SETD5: variants seen among roughly 807,000 people sequenced by gnomAD.
The protein encoded by SETD5 is SET domain containing 5.
SETD5 carries 44 observed loss-of-function variants against 153.3 expected under a neutral mutation model. The ratio of observed to expected loss-of-function variants is 0.29; its 90% confidence interval spans 0.23 to 0.37. SETD5 has a LOEUF of 0.37. Ranked by LOEUF, SETD5 falls within the 10% of genes least tolerant of loss-of-function variation. The probability of loss-of-function intolerance (pLI) is 1.00; values close to 1 mark genes in which losing one functional copy is unlikely to be tolerated. For synonymous variants in SETD5, 716 were observed against 645.2 expected (o/e 1.11, Z -1.66); for missense variants, 1,544 against 1,768.0 (o/e 0.87, Z 2.27).
rs74948528 is a variant in SETD5, at chr3:9,460,431, C to CTT, written c.2477-3979_2477-3978dup. ...CATCTAACACCAATCAAAATCCTAA[C>CTT]TTTTTTTTTTTTTTTTAATAGTATG... On this transcript the variant is annotated intron_variant, in intron 17 of 22. Coordinates refer to ENST00000402198, the MANE Select transcript of SETD5 (RefSeq NM_001080517.3). 1.4e-4 allele frequency among the ~76,000 whole-genome samples: 20 copies of CTT among 138,636 alleles called. No homozygotes were observed. The East Asian group carries it at 2.5e-3, about 17-fold the overall frequency. 91.0% of individuals were successfully genotyped at this position (138,636 alleles called of 152,430 possible).
At chr3:9,436,019 C>T in intron 7 of SETD5, 113 bp downstream of exon 7, 3 of 984,094 alleles carry the variant, frequency 3.0e-6, no homozygotes, top group Non-Finnish European at 4.5e-6. Context: ...TGAAGGGCCA[C>T]TTTTGTTCTA....
rs1425897181 is a variant in SETD5 at position 9,477,910 on chromosome 3, A to G, written c.*1819A>G. On this transcript the variant is annotated 3_prime_UTR_variant, in exon 23 of 23. Coordinates refer to ENST00000402198, the MANE Select transcript of SETD5 (RefSeq NM_001080517.3). ...TAACCAAGGGGAGAGGCCAGCGGGC[A>G]GGCGGCCCTCACCCTGCCTGGCACG... is the stretch of plus-strand genomic sequence containing the variant. 1 of 144,924 alleles carries G rather than the reference A, an allele frequency of 6.9e-6. No individual in the cohort carries two copies. Among genetic ancestry groups the G allele is most frequent in the Non-Finnish European group, 1.5e-5 (1 of 66,732 alleles). 9.0% of individuals were successfully genotyped at this position (144,924 alleles called of 1,614,324 possible). A position where few individuals can be genotyped will look rare whatever the true frequency, so the allele number is the denominator to read the frequency against.
chr3:9,463,431 T>C (rs894039298), intron 17 of SETD5, among the ~76,000 whole-genome samples: 1 of 152,238 alleles, frequency 6.6e-6, no homozygotes, highest in African/African-American at 2.4e-5. Flanking sequence ...ATATATACTT[T>C]TAACTGTAAA....
chr3:9,456,428 G>A (rs373610363), intron 17 of SETD5, among the ~76,000 whole-genome samples: 136 of 150,224 alleles, frequency 9.1e-4, no homozygotes, highest in African/African-American at 3.2e-3. Context: ...AGACGAGATT[G>A]CGCCACTCCA....
At position 9,434,464 on chromosome 3, in the gene SETD5, T is replaced by C. The variant is rs1232388106; in HGVS notation, c.308T>C (p.Leu103Pro). 6.2e-7 allele frequency: 1 copy of C among 1,613,994 alleles called. No homozygotes were observed. The highest frequency in any genetic ancestry group is 2.2e-5 in the East Asian group (1 of 44,866). ...TGTGGTCTTTCTCAGGATGGCTTCC[T>C]TCTCAACTGTGACAAGTGCAGGTAA... ...CPCGLSQDGF[L>P]LNCDKCRGMS... The change falls in exon 5 of 23, where the codon CTT becomes CCT. Residue 103 changes from leucine to proline, a missense_variant. Leu to Pro is a moderately conservative substitution (Grantham distance 98, BLOSUM62 -3). Transcript: ENST00000402198. The surrounding 1 kb of genome is among the most constrained non-coding windows in gnomAD (Gnocchi z 5.6).
intron 1 of SETD5, among the ~76,000 whole-genome samples, chr3:9,406,403 T>C (rs779832362): frequency 2.0e-5 from 3 of 151,916 alleles, no homozygotes; most frequent in Non-Finnish European, 2.9e-5. Context: ...TGGAAGTATG[T>C]GTTTATGCCC....
chr3:9,416,938 G>GTT (rs67192205), intron 1 of SETD5, among the ~76,000 whole-genome samples: 3 of 145,936 alleles, frequency 2.1e-5, no homozygotes, highest in African/African-American at 7.5e-5. Context: ...TCACCATAAA[G>GTT]TTTTTTTTTT....
At chr3:9,452,563 A>G (rs1251637399) in intron 16 of SETD5, among the ~76,000 whole-genome samples, 1 of 147,236 alleles carries the variant, frequency 6.8e-6, no homozygotes, top group Non-Finnish European at 1.5e-5. Context: ...GCTCTTTTTT[A>G]TATCCTTGTT....
At chr3:9,402,731 T>A (rs2035004335) in intron 1 of SETD5, among the ~76,000 whole-genome samples, 1 of 152,058 alleles carries the variant, frequency 6.6e-6, no homozygotes, top group Non-Finnish European at 1.5e-5. Context: ...ATGTTATGAA[T>A]CACAAAAAGC....
rs1173289087 is a variant in SETD5 at position 9,411,742 on chromosome 3, T to G, written c.-176-12725T>G. Among the ~76,000 whole-genome samples, 11 of 152,228 alleles carry G rather than the reference T, an allele frequency of 7.2e-5. 1 individual carries two copies. The highest frequency in any genetic ancestry group is 7.2e-4 in the Admixed American group (11 of 15,286). On this transcript the variant is annotated intron_variant, in intron 1 of 22. Transcript: ENST00000402198. ...TGGAAGTGGTTATTGTTACGAGTAT[T>G]TGATCAGTTCTCTAAACTCTGTCTG...
At chr3:9,418,727 C>T (rs1049639987) in intron 1 of SETD5, among the ~76,000 whole-genome samples, 27 of 151,264 alleles carry the variant, frequency 1.8e-4, no homozygotes, top group Non-Finnish European at 2.5e-4. Context: ...TGCTTGAACC[C>T]GGGAGGTGGA....
intron 7 of SETD5, among the ~76,000 whole-genome samples, chr3:9,436,194 T>A (rs1335581252): frequency 1.3e-5 from 2 of 152,208 alleles, no homozygotes; most frequent in African/African-American, 4.8e-5. Context: ...CAGCCTCAAG[T>A]CTAGGCTTCC....
chr3:9,455,894 C>T (rs186593762), intron 17 of SETD5, among the ~76,000 whole-genome samples: 1 of 152,050 alleles, frequency 6.6e-6, no homozygotes, highest in Non-Finnish European at 1.5e-5. Context: ...GAGCTTCTGC[C>T]CTAGTCTAAC....
intron 1 of SETD5, among the ~76,000 whole-genome samples, chr3:9,409,779 A>G (rs917956991): frequency 6.6e-6 from 1 of 152,166 alleles, no homozygotes; most frequent in Non-Finnish European, 1.5e-5. Context: ...ATCACTTGGT[A>G]TTTTAAAAGC....
chr3:9,414,306 A>G (rs1192947379), intron 1 of SETD5, among the ~76,000 whole-genome samples: 1 of 152,218 alleles, frequency 6.6e-6, no homozygotes, highest in Non-Finnish European at 1.5e-5. Flanking sequence ...AAATGTGAAA[A>G]GCAGTCTTGA....
In SETD5 at chr3:9,441,574, T is replaced by G. The variant is rs369964296; in HGVS notation, c.811-19T>G. 2 of 1,612,696 alleles carry G rather than the reference T, an allele frequency of 1.2e-6. No homozygotes were observed. Among genetic ancestry groups the G allele is most frequent in the African/African-American group, 2.7e-5 (2 of 74,890 alleles). Reference sequence around the variant, plus strand: ...GTGTTCTTGCTGTTGTTTAATGTTATTGCTCTGGTTTTATTCAGTTACAGC... The same window carrying G: ...GTGTTCTTGCTGTTGTTTAATGTTAGTGCTCTGGTTTTATTCAGTTACAGC... On this transcript the variant is annotated intron_variant, in intron 8 of 22. Transcript: ENST00000402198.
chr3:9,469,264 A>T (rs1303998620), intron 18 of SETD5, among the ~76,000 whole-genome samples: 1 of 152,118 alleles, frequency 6.6e-6, no homozygotes, highest in Non-Finnish European at 1.5e-5. Context: ...TTTCTCACAA[A>T]CCCTACTGCT....
chr3:9,454,700 CTA>C (rs2125369828), intron 17 of SETD5, among the ~76,000 whole-genome samples: 1 of 135,290 alleles, frequency 7.4e-6, no homozygotes, highest in African/African-American at 2.7e-5. Flanking sequence ...CATTTTTAAA[CTA>C]GATGTCAATG....
At chr3:9,440,067 A>T (rs745927741) in intron 7 of SETD5, among the ~76,000 whole-genome samples, 2 of 152,238 alleles carry the variant, frequency 1.3e-5, no homozygotes, top group African/African-American at 4.8e-5. Context: ...TTAAGCAGTG[A>T]TAAATTTGAG....
Sources: gnomAD v4.1 joint callset for allele counts (sites outside exome capture counted in the v4.1 genomes callset) on GRCh38, gnomAD v4.1.1 for gene constraint, Gnocchi (gnomAD v3.1) non-coding constraint, MANE v1.5 for transcripts, NCBI Gene and HGNC (gene_info 2026-07-23, HGNC 2026-07-21) for gene names.